Variants in AFF3 observed in about 807,000 individuals in gnomAD.
AFF3 encodes the protein ALF transcription elongation factor 3.
In AFF3, 32 loss-of-function variants were observed where a neutral mutation model predicts 129.7. The observed-to-expected ratio is 0.25, with a 90% confidence interval of 0.19 to 0.33. AFF3 has a LOEUF of 0.33. Among genes scored for constraint, AFF3 ranks in the 10% least tolerant of loss-of-function variants. The pLI is 1.00. For missense variants in AFF3, 1,373 were observed against 1,592.0 expected, an observed-to-expected ratio of 0.86 and a Z score of 2.34; for synonymous variants, 644 against 635.4, an observed-to-expected ratio of 1.01 and a Z score of -0.20.
chr2:99,919,735 A>G (rs1298234318), intron 7 of AFF3, among the ~76,000 whole-genome samples: 1 of 152,088 alleles, frequency 6.6e-6, no homozygotes, highest in Admixed American at 6.6e-5. Flanking sequence ...CAGGAAATAA[A>G]TGAAACAACT....
At chr2:99,754,377 CAG>C (rs1023944365) in intron 8 of AFF3, among the ~76,000 whole-genome samples, 1 of 152,196 alleles carries the variant, frequency 6.6e-6, no homozygotes, top group Admixed American at 6.5e-5. Flanking sequence ...GTCTGATCCT[CAG>C]GGGACAACAT....
intron 14 of AFF3, among the ~76,000 whole-genome samples, chr2:99,596,869 T>C (rs1257531773): frequency 6.6e-6 from 1 of 152,188 alleles, no homozygotes; most frequent in Non-Finnish European, 1.5e-5. Context: ...GTACCCACTT[T>C]CAACACATCA....
chr2:100,105,518 A>C lies in AFF3; in HGVS notation c.-79T>G. On this transcript the variant is annotated 5_prime_UTR_variant, in exon 3 of 25. Coordinates refer to ENST00000672756, the MANE Select transcript of AFF3 (RefSeq NM_001386135.1). ...TTATTTCTCACCGGGAAGGGGGACA[A>C]ACTGGCCTCTGGGTGTCGACTTCAA... 7.5e-7 allele frequency: 1 copy of C among 1,331,124 alleles called. No individual in the cohort carries two copies. The highest frequency in any genetic ancestry group is 1.0e-6 in the Non-Finnish European group (1 of 1,004,554). 82.5% of individuals were successfully genotyped at this position (1,331,124 alleles called of 1,614,324 possible).
At chr2:99,894,101 T>G (rs1411684803) in intron 7 of AFF3, among the ~76,000 whole-genome samples, 1 of 152,034 alleles carries the variant, frequency 6.6e-6, no homozygotes, top group Non-Finnish European at 1.5e-5. Flanking sequence ...TCCCACAAGC[T>G]TAGCAATAAT....
At chr2:100,013,535 C>T (rs2104790829) in intron 4 of AFF3, among the ~76,000 whole-genome samples, 1 of 152,338 alleles carries the variant, frequency 6.6e-6, no homozygotes, top group East Asian at 1.9e-4. Flanking sequence ...AAGTACCTTA[C>T]TCAGCTCTGC....
At chr2:99,890,910 G>A (rs1693499705) in intron 7 of AFF3, among the ~76,000 whole-genome samples, 1 of 152,110 alleles carries the variant, frequency 6.6e-6, no homozygotes, top group South Asian at 2.1e-4. Context: ...GGGGTGGGAG[G>A]TATTTTGAAA....
intron 11 of AFF3, among the ~76,000 whole-genome samples, chr2:99,718,973 G>T (rs899163106): frequency 6.7e-6 from 1 of 149,728 alleles, no homozygotes; most frequent in African/African-American, 2.5e-5. Context: ...GGATGGTCTT[G>T]ATCTCCTGAC....
intron 8 of AFF3, among the ~76,000 whole-genome samples, chr2:99,805,421 T>C (rs564816594): frequency 6.6e-6 from 1 of 152,304 alleles, no homozygotes; most frequent in Admixed American, 6.5e-5. Context: ...ACAAATCAGA[T>C]GTGTTCTCTG....
intron 20 of AFF3, among the ~76,000 whole-genome samples, chr2:99,562,439 G>A (rs1178225972): frequency 2.0e-5 from 3 of 152,118 alleles, no homozygotes; most frequent in Admixed American, 1.3e-4. Flanking sequence ...CTCTACTACT[G>A]AGTCCATTTT....
intron 13 of AFF3, among the ~76,000 whole-genome samples, chr2:99,633,909 CTTTTTTTTTT>C (rs139661861): frequency 4.3e-5 from 5 of 116,422 alleles, no homozygotes; most frequent in African/African-American, 1.8e-4. Context: ...TTCTTCCTTC[CTTTTTTTTTT>C]TTTTTTTTTT....
At chr2:100,020,593 C>T (rs1442351890) in intron 4 of AFF3, among the ~76,000 whole-genome samples, 8 of 152,126 alleles carry the variant, frequency 5.3e-5, no homozygotes, top group Admixed American at 2.6e-4. Context: ...GTCAGCAGAC[C>T]GCAGCACTAC....
chr2:99,562,566 T>C (rs1675565701), intron 20 of AFF3, among the ~76,000 whole-genome samples: 1 of 152,246 alleles, frequency 6.6e-6, no homozygotes, highest in Non-Finnish European at 1.5e-5. Context: ...TAACTGTGAT[T>C]ATTGAAGCAT....
chr2:99,569,369 T>C (rs1306887006), intron 18 of AFF3, among the ~76,000 whole-genome samples: 1 of 152,240 alleles, frequency 6.6e-6, no homozygotes, highest in African/African-American at 2.4e-5. Context: ...TATGCATATC[T>C]AGTACCTAGA....
chr2:99,549,746 T>C lies in AFF3; in HGVS notation c.*1728A>G, dbSNP rs911392012. The C allele has an allele frequency of 2.3e-5, 5 of 220,248 alleles. No homozygotes were observed. The East Asian group carries it at 3.3e-4, about 15-fold the overall frequency. The allele number at this position is 220,248 out of a possible 1,614,324, so 13.6% of individuals were successfully genotyped here. The stretch of plus-strand genomic sequence containing the variant: ...AAATCATCTAAGTTGTTCAGTCATT[T>C]ATACAATTTTGAATCAGTGCTCAGA... On this transcript the variant is annotated 3_prime_UTR_variant, in exon 25 of 25. Coordinates refer to ENST00000672756, the MANE Select transcript of AFF3 (RefSeq NM_001386135.1).
intron 11 of AFF3, among the ~76,000 whole-genome samples, chr2:99,724,214 A>G (rs893124957): frequency 1.3e-5 from 2 of 149,670 alleles, no homozygotes; most frequent in African/African-American, 4.9e-5. Flanking sequence ...GGTATGGAAA[A>G]TGGGCAAAAA....
intron 13 of AFF3, among the ~76,000 whole-genome samples, chr2:99,622,374 T>A (rs1449492800): frequency 6.6e-6 from 1 of 152,170 alleles, no homozygotes; most frequent in Non-Finnish European, 1.5e-5. Context: ...GGAAGGAATG[T>A]CAAAGCCAGG....
intron 7 of AFF3, among the ~76,000 whole-genome samples, chr2:99,873,985 T>A (rs1330450628): frequency 6.6e-6 from 1 of 151,724 alleles, no homozygotes; most frequent in African/African-American, 2.4e-5. Context: ...CCATCCTGGA[T>A]AACAAGGTGA....
intron 7 of AFF3, among the ~76,000 whole-genome samples, chr2:99,843,983 G>A (rs1169208356): frequency 6.6e-6 from 1 of 151,780 alleles, no homozygotes; most frequent in Non-Finnish European, 1.5e-5. Flanking sequence ...TGAGCCAAGA[G>A]TGCACCACTG....
chr2:99,772,699 CT>C (rs1340624735), intron 8 of AFF3, among the ~76,000 whole-genome samples: 5 of 152,190 alleles, frequency 3.3e-5, no homozygotes, highest in African/African-American at 1.2e-4. Flanking sequence ...ACAACCATGA[CT>C]TAATTCTCAA....
Sources: gnomAD v4.1 joint callset for allele counts (sites outside exome capture counted in the v4.1 genomes callset) on GRCh38, gnomAD v4.1.1 for gene constraint, MANE v1.5 for transcripts, NCBI Gene and HGNC (gene_info 2026-07-23, HGNC 2026-07-21) for gene names.